PRIM2: variants seen among roughly 807,000 people sequenced by gnomAD.
The protein encoded by PRIM2 is DNA primase subunit 2.
A neutral mutation model predicts 67.3 loss-of-function variants in PRIM2; 39 were observed. That is an observed-to-expected ratio of 0.58 (90% CI 0.45 to 0.76). The LOEUF (loss-of-function observed/expected upper bound fraction) is 0.76, where lower values mean the gene tolerates loss of function less well. PRIM2 is among the 30% of genes least tolerant of loss of function. The pLI, the probability that PRIM2 is intolerant of heterozygous loss-of-function variation, is 0.00. For missense variants in PRIM2, 398 were observed against 598.7 expected (o/e 0.66, Z 3.50); for synonymous variants, 143 against 198.7 (o/e 0.72, Z 2.36).
At chr6:57,472,895 C>A (rs1159559344) in intron 7 of PRIM2, among the ~76,000 whole-genome samples, 1 of 152,140 alleles carries the variant, frequency 6.6e-6, no homozygotes, top group Non-Finnish European at 1.5e-5. Context: ...TCCTTTCCAA[C>A]CTCTTGGGGA....
chr6:57,445,519 A>C (rs1256998874), intron 7 of PRIM2, among the ~76,000 whole-genome samples: 1 of 152,092 alleles, frequency 6.6e-6, no homozygotes, highest in Non-Finnish European at 1.5e-5. Flanking sequence ...TATCACCTCT[A>C]GGCCATCTTT....
intron 7 of PRIM2, among the ~76,000 whole-genome samples, chr6:57,454,295 G>A (rs1280542374): frequency 6.6e-6 from 1 of 152,144 alleles, no homozygotes; most frequent in Admixed American, 6.5e-5. Flanking sequence ...GATGATGCTG[G>A]CCTCATAAAA....
intron 7 of PRIM2, among the ~76,000 whole-genome samples, chr6:57,482,481 G>A (rs1456075410): frequency 6.6e-6 from 1 of 152,200 alleles, no homozygotes; most frequent in African/African-American, 2.4e-5. Flanking sequence ...AGGAATATAA[G>A]CACAGAAGAA....
At chr6:57,422,539 A>T (rs1364889196) in intron 7 of PRIM2, among the ~76,000 whole-genome samples, 1 of 152,188 alleles carries the variant, frequency 6.6e-6, no homozygotes, top group East Asian at 1.9e-4. Flanking sequence ...TGACCTGAGT[A>T]TTATTACATA....
chr6:57,230,346 G>T, the PRIM2 span, among the ~76,000 whole-genome samples: 1 of 152,098 alleles, frequency 6.6e-6, no homozygotes. Context: ...CAATCACTTG[G>T]GAGCATTCAA....
intron 7 of PRIM2, among the ~76,000 whole-genome samples, chr6:57,472,792 A>C (rs1248660107): frequency 4.6e-5 from 7 of 152,222 alleles, no homozygotes; most frequent in African/African-American, 1.7e-4. Context: ...AGCTGAAGAA[A>C]AATTATTTTG....
At chr6:57,552,790 A>AG (rs1341993218) in intron 10 of PRIM2, among the ~76,000 whole-genome samples, 10 of 152,052 alleles carry the variant, frequency 6.6e-5, no homozygotes, top group African/African-American at 2.4e-4. Flanking sequence ...CCTCAAAAAA[A>AG]CAAATATTTC....
At chr6:57,518,106 A>G (rs1779114173) in intron 8 of PRIM2, among the ~76,000 whole-genome samples, 1 of 152,176 alleles carries the variant, frequency 6.6e-6, no homozygotes, top group East Asian at 1.9e-4. Flanking sequence ...TGCACTCTCA[A>G]TTGTTTCTAA....
At chr6:57,587,906 T>C (rs1472128792) in intron 10 of PRIM2, among the ~76,000 whole-genome samples, 42 of 152,208 alleles carry the variant, frequency 2.8e-4, no homozygotes, top group African/African-American at 9.6e-4. Flanking sequence ...CTAATAAGCC[T>C]CTCATTATCA....
At chr6:57,604,883 G>C (rs1776531545) in intron 11 of PRIM2, among the ~76,000 whole-genome samples, 1 of 151,966 alleles carries the variant, frequency 6.6e-6, no homozygotes, top group African/African-American at 2.4e-5. Context: ...GTAGAGACAG[G>C]GTTTCACTGT....
the PRIM2 span, among the ~76,000 whole-genome samples, chr6:57,244,080 A>C: frequency 6.6e-6 from 1 of 152,182 alleles, no homozygotes; most frequent in Non-Finnish European, 1.5e-5. Context: ...CCCTTTCTGC[A>C]ATCAAGCCTG....
At chr6:57,317,739 TC>T (rs1229254936) in intron 1 of PRIM2, 38 bp downstream of exon 1, 1 of 152,686 alleles carries the variant, frequency 6.5e-6, no homozygotes, top group African/African-American at 2.4e-5. Flanking sequence ...CAGAGAGCAA[TC>T]CTGTTATTAA....
At chr6:57,443,590 T>C (rs1659217346) in intron 7 of PRIM2, among the ~76,000 whole-genome samples, 1 of 152,192 alleles carries the variant, frequency 6.6e-6, no homozygotes. Context: ...CCCTTGCCCA[T>C]TTTTAAACTG....
the PRIM2 span, among the ~76,000 whole-genome samples, chr6:57,269,073 G>A: frequency 1.3e-5 from 2 of 152,040 alleles, no homozygotes; most frequent in African/African-American, 4.8e-5. Context: ...TCGCTATTGT[G>A]AATAGTGCTG....
intron 5 of PRIM2, among the ~76,000 whole-genome samples, chr6:57,345,474 A>ATGTGTGTGTGTGTGTGTGTGTGTGTGTG (rs754685184): frequency 8.0e-6 from 1 of 124,596 alleles, no homozygotes; most frequent in African/African-American, 3.2e-5. Flanking sequence ...ATATATATAT[A>ATGTGTGTGTGTGTGTGTGTGTGTGTGTG]TGTGTGTGTG....
the PRIM2 span, among the ~76,000 whole-genome samples, chr6:57,230,416 C>G: frequency 6.6e-6 from 1 of 152,208 alleles, no homozygotes; most frequent in Non-Finnish European, 1.5e-5. Context: ...ACTGGGGATT[C>G]CCCTTTCTTT....
At chr6:57,375,942 C>T (rs1385913644) in intron 5 of PRIM2, among the ~76,000 whole-genome samples, 2 of 151,920 alleles carry the variant, frequency 1.3e-5, no homozygotes, top group African/African-American at 2.4e-5. Context: ...CATGGTGGCT[C>T]ACATCTGTAA....
At chr6:57,618,746 C>T (rs1160990727) in intron 12 of PRIM2, among the ~76,000 whole-genome samples, 7 of 152,118 alleles carry the variant, frequency 4.6e-5, no homozygotes, top group East Asian at 1.9e-4. Flanking sequence ...AATCTCACCC[C>T]GTCCCCCACA....
chr6:57,630,945 G>C (rs1777028344), intron 12 of PRIM2, among the ~76,000 whole-genome samples: 2 of 151,974 alleles, frequency 1.3e-5, no homozygotes, highest in Non-Finnish European at 2.9e-5. Flanking sequence ...AGACAGGCCA[G>C]ATAGTCAGAC....
Sources: allele counts gnomAD v4.1 joint callset (sites outside exome capture counted in the v4.1 genomes callset), GRCh38; gene constraint gnomAD v4.1.1; transcripts MANE v1.5; gene names NCBI Gene and HGNC (gene_info 2026-07-23, HGNC 2026-07-21).